The following PTPRD variants were observed in gnomAD, a reference collection of about 807,000 sequenced individuals.
PTPRD encodes the protein receptor-type tyrosine-protein phosphatase delta.
In PTPRD, 34 loss-of-function variants were observed where a neutral mutation model predicts 214.5. That is an observed-to-expected ratio of 0.16 (90% confidence interval 0.12 to 0.21). The LOEUF (loss-of-function observed/expected upper bound fraction) is 0.21. Among genes scored for constraint, PTPRD ranks in the 10% least tolerant of loss-of-function variants. PTPRD has a pLI of 1.00. For missense variants in PTPRD, 2,545 were observed against 2,398.7 expected (o/e 1.06, Z -1.27); for synonymous variants, 1,128 against 845.7 (o/e 1.33, Z -5.79).
chr9:10,496,819 T>C (rs2042187633), intron 2 of PTPRD, among the ~76,000 whole-genome samples: 1 of 152,072 alleles, frequency 6.6e-6, no homozygotes, highest in Admixed American at 6.6e-5. Flanking sequence ...TTTTTGCTTG[T>C]TGAACTGCTT....
In PTPRD at chr9:8,810,421, C is replaced by T. The variant is rs556111353; in HGVS notation, c.-103-76475G>A. ...TTCAAACATCACCCTGGATCTCAAG[C>T]TCCCCTGCTTTTAGCGTCTGAGTGG... is the stretch of plus-strand genomic sequence containing the variant. On this transcript the variant is annotated intron_variant, in intron 11 of 45. Coordinates refer to ENST00000381196, the MANE Select transcript of PTPRD (RefSeq NM_002839.4). Among the ~76,000 whole-genome samples the T allele has an allele frequency of 5.3e-5, 8 of 152,278 alleles. No homozygotes were observed. In the South Asian group the frequency reaches 1.7e-3, roughly 32 times the overall value.
At chr9:10,257,569 G>T (rs1342698195) in intron 3 of PTPRD, among the ~76,000 whole-genome samples, 1 of 152,152 alleles carries the variant, frequency 6.6e-6, no homozygotes, top group Non-Finnish European at 1.5e-5. Context: ...TACAATTTGG[G>T]CTGACTTCCT....
In PTPRD at chr9:8,465,487, T is replaced by G. The variant is rs199529379; in HGVS notation, c.3693A>C (p.Ala1231=). 172 of 1,612,252 alleles carry G rather than the reference T, an allele frequency of 1.1e-4. 2 individuals are homozygous for G. The East Asian group carries it at 3.8e-3, about 35-fold the overall frequency. The change falls in exon 32 of 46, where the codon GCA becomes GCC. Residue 1231 remains alanine (A), a synonymous_variant. Coordinates refer to ENST00000381196, the MANE Select transcript of PTPRD (RefSeq NM_002839.4). ...SGQEYVFFVL[A]VMEHAESKMY... is the part of the protein sequence containing the mutation. ...TTACAGACTCTGCATGTTCCATTACTGCTAACACAAAGAAGACATATTCTT... is the reference window on the plus strand; with the variant it reads ...TTACAGACTCTGCATGTTCCATTACGGCTAACACAAAGAAGACATATTCTT...
chr9:8,436,401 T>C lies in PTPRD; in HGVS notation c.4086+191A>G, dbSNP rs112859246. On this transcript the variant is annotated intron_variant, in intron 35 of 45. Transcript: ENST00000381196. ...AATATTGAACAAACATAAAATTAAC[T>C]TTTTCAAACTGTAATTACTATATTG... Among the ~76,000 whole-genome samples, 913 of 152,314 alleles carry C rather than the reference T, an allele frequency of 6.0e-3. 10 individuals are homozygous for C. Among genetic ancestry groups the C allele is most frequent in the African/African-American group, 0.021 (871 of 41,562 alleles).
At chr9:9,928,114 TATA>T (rs1418210776) in intron 5 of PTPRD, among the ~76,000 whole-genome samples, 1 of 152,186 alleles carries the variant, frequency 6.6e-6, no homozygotes, top group Non-Finnish European at 1.5e-5. Context: ...CTCCAGAAAA[TATA>T]ATGTCAACCG....
intron 14 of PTPRD, among the ~76,000 whole-genome samples, chr9:8,534,601 C>T (rs760043713): frequency 5.4e-4 from 80 of 148,632 alleles, no homozygotes; most frequent in Non-Finnish European, 9.9e-4. Context: ...TAATATGCAG[C>T]GTATTTTTAA....
At chr9:10,569,765 A>G (rs1330026323) in intron 2 of PTPRD, among the ~76,000 whole-genome samples, 1 of 152,136 alleles carries the variant, frequency 6.6e-6, no homozygotes, top group African/African-American at 2.4e-5. Flanking sequence ...ACCACAATTC[A>G]ATAGGTAAAT....
At chr9:9,991,385 G>C (rs921597470) in intron 4 of PTPRD, among the ~76,000 whole-genome samples, 1 of 148,614 alleles carries the variant, frequency 6.7e-6, no homozygotes, top group African/African-American at 2.5e-5. Context: ...TTTTGAAATG[G>C]AGTTTTGTTC....
intron 11 of PTPRD, among the ~76,000 whole-genome samples, chr9:8,954,418 C>T (rs1274243342): frequency 6.6e-6 from 1 of 151,766 alleles, no homozygotes; most frequent in Non-Finnish European, 1.5e-5. Context: ...GTTACAATTT[C>T]AATCACATCC....
chr9:9,807,931 T>C (rs1180958167), intron 5 of PTPRD, among the ~76,000 whole-genome samples: 5 of 152,202 alleles, frequency 3.3e-5, no homozygotes, highest in African/African-American at 1.2e-4. Flanking sequence ...ATATTGTATT[T>C]TCATATTGAA....
chr9:9,251,104 A>G (rs2099975299), intron 9 of PTPRD, among the ~76,000 whole-genome samples: 1 of 152,028 alleles, frequency 6.6e-6, no homozygotes, highest in Non-Finnish European at 1.5e-5. Context: ...AAAGTCCAGA[A>G]TCAGAGAACC....
chr9:9,915,303 T>C (rs2080401176), intron 5 of PTPRD, among the ~76,000 whole-genome samples: 1 of 151,884 alleles, frequency 6.6e-6, no homozygotes, highest in Admixed American at 6.6e-5. Context: ...TGGAAATTAA[T>C]GTAGGAACAC....
intron 11 of PTPRD, among the ~76,000 whole-genome samples, chr9:8,746,253 G>C (rs1261245659): frequency 6.6e-6 from 1 of 152,160 alleles, no homozygotes; most frequent in Non-Finnish European, 1.5e-5. Context: ...TTACGAAGTT[G>C]CTGAGGGCAA....
chr9:10,141,051 C>T (rs555306792), intron 3 of PTPRD, among the ~76,000 whole-genome samples: 16 of 151,940 alleles, frequency 1.1e-4, no homozygotes, highest in African/African-American at 3.9e-4. Flanking sequence ...ATTCAACAAC[C>T]CTTCATGCTA....
chr9:9,542,124 T>TA (rs2077726284), intron 8 of PTPRD, among the ~76,000 whole-genome samples: 1 of 151,364 alleles, frequency 6.6e-6, no homozygotes, highest in African/African-American at 2.4e-5. Context: ...AGGAGATACT[T>TA]ACAGAAAAAA....
chr9:9,134,773 C>T (rs903940209), intron 10 of PTPRD, among the ~76,000 whole-genome samples: 5 of 152,000 alleles, frequency 3.3e-5, no homozygotes, highest in African/African-American at 1.2e-4. Context: ...TACCAAGAGA[C>T]TGTATCATCC....
At chr9:8,892,942 T>C (rs568247023) in intron 11 of PTPRD, among the ~76,000 whole-genome samples, 1 of 151,940 alleles carries the variant, frequency 6.6e-6, no homozygotes, top group East Asian at 1.9e-4. Flanking sequence ...ATAAAGTGAG[T>C]CATGAAATTA....
At chr9:9,393,140 G>A (rs1426450650) in intron 9 of PTPRD, among the ~76,000 whole-genome samples, 4 of 152,046 alleles carry the variant, frequency 2.6e-5, no homozygotes, top group African/African-American at 9.7e-5. Context: ...AATCTTTCCT[G>A]GCCATGTGAC....
At chr9:8,909,045 A>G (rs1191790142) in intron 11 of PTPRD, among the ~76,000 whole-genome samples, 1 of 151,640 alleles carries the variant, frequency 6.6e-6, no homozygotes, top group African/African-American at 2.4e-5. Context: ...TGAAAAAGAC[A>G]AACTTCAAGC....
Sources: gnomAD v4.1 joint callset for allele counts (sites outside exome capture counted in the v4.1 genomes callset) on GRCh38, gnomAD v4.1.1 for gene constraint, MANE v1.5 for transcripts, NCBI Gene and HGNC (gene_info 2026-07-23, HGNC 2026-07-21) for gene names.